The following UBAP2 variants were observed in gnomAD, a reference collection of about 807,000 sequenced individuals.
UBAP2 encodes the protein ubiquitin-associated protein 2.
Under a neutral mutation model 139.6 loss-of-function variants are expected in UBAP2, and 75 were observed. The ratio of observed to expected loss-of-function variants is 0.54; its 90% CI spans 0.45 to 0.65. The LOEUF (loss-of-function observed/expected upper bound fraction) is 0.65. Among genes scored for constraint, UBAP2 ranks in the 30% least tolerant of loss-of-function variants. The probability of loss-of-function intolerance (pLI) is 0.00; values close to 1 mark genes in which losing one functional copy is unlikely to be tolerated. For missense variants in UBAP2, 1,368 were observed against 1,369.6 expected (o/e 1.00, Z 0.02); for synonymous variants, 526 against 526.2 (o/e 1.00, Z 0.01).
rs1026195249 is a variant in UBAP2, at chr9:33,988,956, A to C, written c.442+17T>G. On this transcript the variant is annotated intron_variant, in intron 5 of 28. Transcript: ENST00000379238. ...GATGAAAGAAGAGAAAAAACTGAGG[A>C]GAAAGTCTGTACTTACATTCTCTGC... 6.3e-7 allele frequency: 1 copy of C among 1,594,838 alleles called. No homozygotes were observed.
intron 19 of UBAP2, among the ~76,000 whole-genome samples, chr9:33,931,085 A>T (rs749061538): frequency 6.6e-5 from 10 of 152,202 alleles, no homozygotes; most frequent in Non-Finnish European, 1.0e-4. Flanking sequence ...ATGAACAAAC[A>T]GTTGACCCCT....
At chr9:33,933,454 G>C in intron 18 of UBAP2, 36 bp downstream of exon 18, 1 of 1,608,716 alleles carries the variant, frequency 6.2e-7, no homozygotes, top group Non-Finnish European at 8.5e-7. Flanking sequence ...CTTGCCCCAA[G>C]GTACTTCTCA....
chr9:34,011,342 CA>C (rs1009789299), intron 2 of UBAP2, among the ~76,000 whole-genome samples: 20 of 152,162 alleles, frequency 1.3e-4, no homozygotes, highest in African/African-American at 4.8e-4. Flanking sequence ...TTATATGACA[CA>C]AATACTGTAT....
At chr9:33,959,983 G>T (rs1474366503) in intron 10 of UBAP2, among the ~76,000 whole-genome samples, 1 of 152,100 alleles carries the variant, frequency 6.6e-6, no homozygotes. Flanking sequence ...TGTCACCCAG[G>T]CTAGAGGGCG....
intron 7 of UBAP2, among the ~76,000 whole-genome samples, chr9:33,972,570 T>C (rs1185220386): frequency 6.6e-6 from 1 of 152,192 alleles, no homozygotes; most frequent in Non-Finnish European, 1.5e-5. Context: ...TGACTGCATC[T>C]ACGTATGGCT....
intron 3 of UBAP2, 29 bp from the exon 4 acceptor site, chr9:33,996,362 G>A (rs1267855976): frequency 5.2e-6 from 8 of 1,527,032 alleles, no homozygotes; most frequent in African/African-American, 1.4e-5. Flanking sequence ...AATGGTTAGA[G>A]GCAAACAAAA....
intron 9 of UBAP2, 105 bp downstream of exon 9, chr9:33,963,621 T>G (rs1827235245): frequency 7.4e-6 from 5 of 675,356 alleles, no homozygotes; most frequent in Non-Finnish European, 1.2e-5. Flanking sequence ...TTACAAACAT[T>G]TATCTGATAA....
In UBAP2 at chr9:33,970,717, C is replaced by G. The variant is rs139577156; in HGVS notation, c.679+934G>C. 3.1e-3 allele frequency among the ~76,000 whole-genome samples: 466 copies of G among 152,276 alleles called. 9 individuals are homozygous for G. The highest frequency in any genetic ancestry group is 1.0e-3 in the Non-Finnish European group (71 of 68,030). ...AAATGCTGAGACTACAGGCATGAAC[C>G]ACTGCACCTGGCCTTGATAATTTAT... On this transcript the variant is annotated intron_variant, in intron 8 of 28. Coordinates refer to ENST00000379238, the MANE Select transcript of UBAP2 (RefSeq NM_001370062.2).
intron 21 of UBAP2, 123 bp downstream of exon 21, chr9:33,926,866 G>A: frequency 1.9e-6 from 2 of 1,043,196 alleles, no homozygotes; most frequent in Non-Finnish European, 2.9e-6. Context: ...CAGAGACGGG[G>A]GTGCTCAGGG....
In UBAP2 at chr9:33,941,850, A is replaced by G. The variant is rs751743832; in HGVS notation, c.1728T>C (p.Asn576=). ...LYSKSLSEPL[N]TSLSMTSAVQ... ...CTGCACTGGTCATTGATAAAGATGTATTCAAAGGCTCACTGAAAAGAGTCA... is the reference window on the plus strand; with the variant it reads ...CTGCACTGGTCATTGATAAAGATGTGTTCAAAGGCTCACTGAAAAGAGTCA... Residue 576 remains asparagine (N), a synonymous_variant, in exon 16 of 29, where the codon AAT becomes AAC. Transcript: ENST00000379238. 6.8e-6 allele frequency: 11 copies of G among 1,612,042 alleles called. No individual in the cohort carries two copies. The highest frequency in any genetic ancestry group is 9.3e-6 in the Non-Finnish European group (11 of 1,178,594).
intron 2 of UBAP2, among the ~76,000 whole-genome samples, chr9:34,016,245 A>AGAGGAGGAG (rs1554690786): frequency 5.9e-5 from 1 of 17,064 alleles, no homozygotes; most frequent in East Asian, 4.1e-3. Flanking sequence ...AAGGGGAGGA[A>AGAGGAGGAG]GAGGAGGAGG....
intron 16 of UBAP2, among the ~76,000 whole-genome samples, chr9:33,936,911 A>G (rs1824572460): frequency 8.1e-6 from 1 of 122,708 alleles, no homozygotes; most frequent in Non-Finnish European, 1.6e-5. Context: ...TGGGCACTGT[A>G]GCAAAACTCC....
At chr9:34,018,012 A>G (rs1824534867) in intron 1 of UBAP2, among the ~76,000 whole-genome samples, 1 of 152,140 alleles carries the variant, frequency 6.6e-6, no homozygotes, top group Non-Finnish European at 1.5e-5. Flanking sequence ...CAAGCACATA[A>G]TTAAGTATGT....
At chr9:33,955,336 T>C (rs1285993648) in intron 11 of UBAP2, among the ~76,000 whole-genome samples, 12 of 151,456 alleles carry the variant, frequency 7.9e-5, no homozygotes, top group East Asian at 1.9e-4. Context: ...CTAGCCAATA[T>C]GGTGAAACCC....
chr9:33,985,607 A>G (rs1821137791), intron 6 of UBAP2, among the ~76,000 whole-genome samples: 1 of 152,202 alleles, frequency 6.6e-6, no homozygotes. Flanking sequence ...TGTGGGAGCT[A>G]AAAAGGTTAT....
chr9:34,038,690 C>T (rs1400002611), intron 1 of UBAP2, among the ~76,000 whole-genome samples: 1 of 152,190 alleles, frequency 6.6e-6, no homozygotes, highest in African/African-American at 2.4e-5. Context: ...ATTGTAGCCT[C>T]TGCCCGGCCG....
intron 1 of UBAP2, among the ~76,000 whole-genome samples, chr9:34,035,712 C>A (rs1055463438): frequency 2.0e-5 from 3 of 151,126 alleles, no homozygotes; most frequent in Admixed American, 1.3e-4. Context: ...CAAACAAACA[C>A]TATCAACAAA....
intron 2 of UBAP2, among the ~76,000 whole-genome samples, chr9:34,008,952 A>C (rs1202732043): frequency 1.8e-5 from 2 of 108,510 alleles, no homozygotes; most frequent in East Asian, 6.4e-4. Flanking sequence ...CGACACAGCG[A>C]GACTGTCTCA....
intron 2 of UBAP2, among the ~76,000 whole-genome samples, chr9:34,015,071 T>C (rs532217524): frequency 9.2e-5 from 14 of 152,330 alleles, no homozygotes; most frequent in African/African-American, 3.1e-4. Context: ...AAATGAGTGA[T>C]TTTAAGAAGC....
Sources: gnomAD v4.1 joint callset for allele counts (sites outside exome capture counted in the v4.1 genomes callset) on GRCh38, gnomAD v4.1.1 for gene constraint, MANE v1.5 for transcripts, NCBI Gene and HGNC (gene_info 2026-07-23, HGNC 2026-07-21) for gene names.